The following GPC5 variants were observed in gnomAD, a reference collection of about 807,000 sequenced individuals.
The protein encoded by GPC5 is glypican-5.
Under a neutral mutation model 53.9 loss-of-function variants are expected in GPC5, and 47 were observed. That is an observed-to-expected ratio of 0.87 (90% CI 0.69 to 1.11). The LOEUF is 1.11. Among genes scored for constraint, GPC5 ranks in the 50% most tolerant of loss-of-function variants. The pLI is 0.00. For synonymous variants in GPC5, 286 were observed against 263.3 expected (o/e 1.09, Z -0.84); for missense variants, 748 against 713.1 (o/e 1.05, Z -0.56).
intron 7 of GPC5, among the ~76,000 whole-genome samples, chr13:92,745,326 A>C (rs1889213693): frequency 6.6e-6 from 1 of 152,084 alleles, no homozygotes; most frequent in Non-Finnish European, 1.5e-5. Context: ...CTTCCAACAC[A>C]CTGGGTGCAT....
intron 6 of GPC5, among the ~76,000 whole-genome samples, chr13:92,105,535 A>G (rs2041503194): frequency 6.6e-6 from 1 of 152,038 alleles, no homozygotes; most frequent in African/African-American, 2.4e-5. Context: ...AATATTTTAG[A>G]ATACCAGATA....
At chr13:91,747,918 T>C (rs1463674151) in intron 4 of GPC5, among the ~76,000 whole-genome samples, 1 of 152,194 alleles carries the variant, frequency 6.6e-6, no homozygotes, top group Admixed American at 6.5e-5. Flanking sequence ...TTTCCACTTT[T>C]GTTATTTATA....
chr13:92,751,110 T>C (rs574396716), intron 7 of GPC5, among the ~76,000 whole-genome samples: 7 of 152,056 alleles, frequency 4.6e-5, no homozygotes, highest in South Asian at 2.1e-4. Flanking sequence ...TACTAAACCA[T>C]AACACAATTC....
At chr13:92,633,145 G>A (rs543699230) in intron 7 of GPC5, among the ~76,000 whole-genome samples, 18 of 152,114 alleles carry the variant, frequency 1.2e-4, no homozygotes, top group African/African-American at 2.9e-4. Context: ...CACCCGCCTC[G>A]GCCTCCCAAA....
intron 7 of GPC5, among the ~76,000 whole-genome samples, chr13:92,293,499 G>A (rs368324770): frequency 1.0e-4 from 14 of 138,670 alleles, no homozygotes; most frequent in South Asian, 4.5e-4. Flanking sequence ...AAGCTTGGTC[G>A]CTGTCAGTGT....
chr13:91,956,968 G>T (rs796274263), intron 6 of GPC5, among the ~76,000 whole-genome samples: 17 of 152,110 alleles, frequency 1.1e-4, no homozygotes, highest in African/African-American at 3.9e-4. Context: ...TTCAGGAACA[G>T]GTTGCAAGCA....
chr13:92,767,199 C>T (rs746879773), intron 7 of GPC5, among the ~76,000 whole-genome samples: 16 of 151,878 alleles, frequency 1.1e-4, no homozygotes, highest in East Asian at 1.9e-4. Flanking sequence ...AGGATGGGTG[C>T]GGTGGCTCAT....
In GPC5 at chr13:91,693,889, G is replaced by A. The variant is rs1409452575; in HGVS notation, c.1020+8G>A. On this transcript the variant is annotated splice_region_variant and intron_variant, in intron 3 of 7. Coordinates refer to ENST00000377067, the MANE Select transcript of GPC5 (RefSeq NM_004466.6). ...CAAAAATTATTGGAACAGGTAAGTAGGAGCTCCACATTTTCAGTCTGACTT... is the reference window on the plus strand; with the variant it reads ...CAAAAATTATTGGAACAGGTAAGTAAGAGCTCCACATTTTCAGTCTGACTT... The A allele has an allele frequency of 1.9e-6, 3 of 1,569,352 alleles. No homozygotes were observed. In the East Asian group the frequency reaches 6.8e-5, roughly 35 times the overall value.
At chr13:91,458,652 G>A (rs569210844) in intron 2 of GPC5, among the ~76,000 whole-genome samples, 1 of 152,198 alleles carries the variant, frequency 6.6e-6, no homozygotes, top group East Asian at 1.9e-4. Flanking sequence ...CACTACTGGT[G>A]GGAATGTAAA....
intron 5 of GPC5, among the ~76,000 whole-genome samples, chr13:91,890,953 T>C (rs2039378760): frequency 6.6e-6 from 1 of 152,198 alleles, no homozygotes; most frequent in South Asian, 2.1e-4. Context: ...TGTCTCTGGT[T>C]ATGGCATCAA....
rs542558021 is a variant in GPC5 at position 92,297,602 on chromosome 13, G to C, written c.1561+152613G>C. 7.2e-5 allele frequency among the ~76,000 whole-genome samples: 11 copies of C among 152,020 alleles called. No homozygotes were observed. The South Asian group carries it at 1.5e-3, about 20-fold the overall frequency. ...TGGGGCCTTGGAGAACCTGTGTGTC[G>C]AAACTCTGTATCTAACTAATCTGAT... On this transcript the variant is annotated intron_variant, in intron 7 of 7. Coordinates refer to ENST00000377067, the MANE Select transcript of GPC5 (RefSeq NM_004466.6).
At chr13:91,665,526 G>A (rs1004367455) in intron 2 of GPC5, among the ~76,000 whole-genome samples, 25 of 92,752 alleles carry the variant, frequency 2.7e-4, no homozygotes, top group Non-Finnish European at 4.5e-4. Context: ...CTTTTGAGAC[G>A]GAGTCTCGCT....
At chr13:92,637,764 A>G (rs1042254976) in intron 7 of GPC5, among the ~76,000 whole-genome samples, 1 of 151,736 alleles carries the variant, frequency 6.6e-6, no homozygotes, top group Non-Finnish European at 1.5e-5. Context: ...AAAATATGAT[A>G]CCATATTGAA....
chr13:91,972,567 G>A (rs956782605), intron 6 of GPC5, among the ~76,000 whole-genome samples: 1 of 152,138 alleles, frequency 6.6e-6, no homozygotes, highest in Non-Finnish European at 1.5e-5. Flanking sequence ...AGCCTTGATG[G>A]TCTTTACATT....
chr13:92,396,848 G>A (rs1875303641), intron 7 of GPC5, among the ~76,000 whole-genome samples: 1 of 152,180 alleles, frequency 6.6e-6, no homozygotes, highest in African/African-American at 2.4e-5. Context: ...ACTTTGGTGA[G>A]ACAGGAAGGT....
chr13:92,422,521 CACACACACACAA>C (rs1876620876), intron 7 of GPC5, among the ~76,000 whole-genome samples: 13 of 144,538 alleles, frequency 9.0e-5, no homozygotes, highest in Middle Eastern at 3.7e-3. Flanking sequence ...CACACACACA[CACACACACACAA>C]CTTCTTGGAA....
intron 2 of GPC5, among the ~76,000 whole-genome samples, chr13:91,513,933 C>G (rs1330563822): frequency 6.6e-6 from 1 of 152,166 alleles, no homozygotes; most frequent in Non-Finnish European, 1.5e-5. Flanking sequence ...AAAATCCACT[C>G]AGCATAATTC....
chr13:92,445,050 C>T (rs1877741928), intron 7 of GPC5, among the ~76,000 whole-genome samples: 1 of 152,108 alleles, frequency 6.6e-6, no homozygotes, highest in Non-Finnish European at 1.5e-5. Context: ...ATCAGCAGTT[C>T]TTAGGTTGTC....
intron 2 of GPC5, among the ~76,000 whole-genome samples, chr13:91,543,283 GCTC>G (rs2030071746): frequency 1.3e-5 from 2 of 152,024 alleles, no homozygotes; most frequent in Non-Finnish European, 2.9e-5. Flanking sequence ...GTGAGCCACC[GCTC>G]CGGCCCCCAA....
Sources: allele counts gnomAD v4.1 joint callset (sites outside exome capture counted in the v4.1 genomes callset), GRCh38; gene constraint gnomAD v4.1.1; transcripts MANE v1.5; gene names NCBI Gene and HGNC (gene_info 2026-07-23, HGNC 2026-07-21).